PTPRK: variants seen among roughly 807,000 people sequenced by gnomAD.
PTPRK encodes the protein receptor-type tyrosine-protein phosphatase kappa.
Under a neutral mutation model 178.0 loss-of-function variants are expected in PTPRK, and 75 were observed. That is an observed-to-expected ratio of 0.42 (90% confidence interval 0.35 to 0.51). PTPRK has a LOEUF of 0.51. Ranked by LOEUF, PTPRK falls within the 20% of genes least tolerant of loss-of-function variation. PTPRK has a pLI of 0.02. For synonymous variants in PTPRK, 637 were observed against 620.6 expected (o/e 1.03, Z -0.39); for missense variants, 1,441 against 1,797.8 (o/e 0.80, Z 3.59).
chr6:128,311,011 G>A (rs537387114), intron 3 of PTPRK, among the ~76,000 whole-genome samples: 17 of 152,142 alleles, frequency 1.1e-4, no homozygotes, highest in Non-Finnish European at 1.8e-4. Context: ...AAGTTCCCCC[G>A]GGATCCCAGC....
chr6:127,996,114 C>A (rs1777119604), intron 17 of PTPRK, among the ~76,000 whole-genome samples: 1 of 152,010 alleles, frequency 6.6e-6, no homozygotes, highest in Non-Finnish European at 1.5e-5. Flanking sequence ...CTGATAATGA[C>A]TTTATTATCC....
chr6:128,406,255 A>AAAT (rs1841642882), intron 1 of PTPRK, among the ~76,000 whole-genome samples: 2 of 151,724 alleles, frequency 1.3e-5, no homozygotes, highest in African/African-American at 2.4e-5. Flanking sequence ...CCCATCTCAA[A>AAAT]AATAATAATA....
chr6:128,061,666 A>T (rs1014701504), intron 13 of PTPRK, among the ~76,000 whole-genome samples: 1 of 152,026 alleles, frequency 6.6e-6, no homozygotes, highest in Non-Finnish European at 1.5e-5. Flanking sequence ...CAGCCCAGGG[A>T]TTCCTGGGCA....
chr6:128,464,721 C>G (rs1473626910), intron 1 of PTPRK, among the ~76,000 whole-genome samples: 1 of 133,670 alleles, frequency 7.5e-6, no homozygotes, highest in Admixed American at 8.1e-5. Context: ...CCCGTGAGTA[C>G]CTGTAACACC....
chr6:128,323,634 A>T (rs1829141275), intron 2 of PTPRK, among the ~76,000 whole-genome samples: 1 of 152,184 alleles, frequency 6.6e-6, no homozygotes, highest in Non-Finnish European at 1.5e-5. Context: ...GATGGTGTCA[A>T]CTATTTGAGA....
chr6:128,061,567 AG>A (rs1053774222), intron 13 of PTPRK, among the ~76,000 whole-genome samples: 3 of 151,836 alleles, frequency 2.0e-5, no homozygotes, highest in Admixed American at 1.3e-4. Flanking sequence ...GAGGCAGGGG[AG>A]GGTCTGACTG....
At chr6:128,396,593 C>G (rs1840332438) in intron 2 of PTPRK, among the ~76,000 whole-genome samples, 1 of 152,000 alleles carries the variant, frequency 6.6e-6, no homozygotes, top group South Asian at 2.1e-4. Context: ...ATATTGACAT[C>G]CTATGTTAAT....
intron 2 of PTPRK, among the ~76,000 whole-genome samples, chr6:128,358,341 C>G (rs1039877412): frequency 6.6e-6 from 1 of 152,202 alleles, no homozygotes; most frequent in Non-Finnish European, 1.5e-5. Flanking sequence ...TACATACAGA[C>G]CCTTGCTTTC....
intron 2 of PTPRK, among the ~76,000 whole-genome samples, chr6:128,384,385 A>ATT (rs35279204): frequency 1.8e-4 from 27 of 150,478 alleles, no homozygotes; most frequent in East Asian, 5.8e-4. Flanking sequence ...CAATATTTCT[A>ATT]TTTTTTTTTT....
intron 1 of PTPRK, among the ~76,000 whole-genome samples, chr6:128,497,779 GT>G (rs34465746): frequency 0.01 from 1,200 of 115,486 alleles, 14 homozygotes; most frequent in African/African-American, 0.029. Context: ...CAAAAAGGTT[GT>G]TTTTTTTTTT....
In PTPRK at chr6:127,980,283, C is replaced by G. The variant is rs1002811441; in HGVS notation, c.3711+833G>C. Among the ~76,000 whole-genome samples the G allele has an allele frequency of 1.1e-4, 16 of 152,186 alleles. 1 individual carries two copies. The highest frequency in any genetic ancestry group is 2.9e-5 in the Non-Finnish European group (2 of 68,030). ...CGAGATTGTGCCATTGCACTCCAGC[C>G]TGGGCAACAAGAGCGAAACTCTGTC... On this transcript the variant is annotated intron_variant, in intron 25 of 29. Coordinates refer to ENST00000368226, the MANE Select transcript of PTPRK (RefSeq NM_002844.4).
chr6:128,175,543 G>A (rs535511722), intron 7 of PTPRK, among the ~76,000 whole-genome samples: 4 of 151,820 alleles, frequency 2.6e-5, no homozygotes, highest in African/African-American at 9.6e-5. Flanking sequence ...TGGTGATAAT[G>A]TTCTGTAGAA....
intron 13 of PTPRK, among the ~76,000 whole-genome samples, chr6:128,035,466 G>A (rs892818080): frequency 6.6e-5 from 10 of 152,024 alleles, no homozygotes; most frequent in African/African-American, 2.2e-4. Context: ...GACACAAAAC[G>A]ACAACATGGT....
At chr6:128,506,555 A>C (rs1292582989) in intron 1 of PTPRK, among the ~76,000 whole-genome samples, 45 of 151,414 alleles carry the variant, frequency 3.0e-4, no homozygotes, top group Admixed American at 3.0e-3. Context: ...AGCAACTCTG[A>C]AGGCTGAGGC....
chr6:128,021,945 T>C (rs1290222293), intron 13 of PTPRK, among the ~76,000 whole-genome samples: 1 of 152,222 alleles, frequency 6.6e-6, no homozygotes, highest in African/African-American at 2.4e-5. Flanking sequence ...AGAAAGCTTA[T>C]AAAGGTTTGT....
At position 128,247,624 on chromosome 6, in the gene PTPRK, C is replaced by T. The variant is rs543214620; in HGVS notation, c.496-5022G>A. 6.6e-5 allele frequency among the ~76,000 whole-genome samples: 10 copies of T among 152,232 alleles called. No individual in the cohort carries two copies. In the East Asian group the frequency reaches 7.7e-4, roughly 12 times the overall value. The stretch of plus-strand genomic sequence containing the variant: ...ATGAGCCACCACACCTGGCCTAGTT[C>T]GTACCCTTTAACTGTAACTTTAACT... On this transcript the variant is annotated intron_variant, in intron 3 of 29. Coordinates refer to ENST00000368226, the MANE Select transcript of PTPRK (RefSeq NM_002844.4).
At chr6:128,013,668 CTG>C (rs1415622577) in intron 13 of PTPRK, among the ~76,000 whole-genome samples, 1 of 151,462 alleles carries the variant, frequency 6.6e-6, no homozygotes, top group Non-Finnish European at 1.5e-5. Flanking sequence ...AAAACAAAAA[CTG>C]GAATTATCTT....
intron 1 of PTPRK, among the ~76,000 whole-genome samples, chr6:128,449,364 ATTATT>A (rs1201633284): frequency 6.6e-6 from 1 of 152,176 alleles, no homozygotes; most frequent in Non-Finnish European, 1.5e-5. Flanking sequence ...ATACTCATGT[ATTATT>A]TTATGAGAAT....
chr6:128,112,716 G>A (rs1790872198), intron 7 of PTPRK, among the ~76,000 whole-genome samples: 1 of 152,056 alleles, frequency 6.6e-6, no homozygotes, highest in Non-Finnish European at 1.5e-5. Flanking sequence ...GGGAAGAGGA[G>A]TCATAATCCC....
Sources: gnomAD v4.1 joint callset for allele counts (sites outside exome capture counted in the v4.1 genomes callset) on GRCh38, gnomAD v4.1.1 for gene constraint, MANE v1.5 for transcripts, NCBI Gene and HGNC (gene_info 2026-07-23, HGNC 2026-07-21) for gene names.